The following TRHDE variants were observed in gnomAD, a reference collection of about 807,000 sequenced individuals.
TRHDE encodes thyrotropin releasing hormone degrading enzyme, also known as thyrotropin-releasing hormone-degrading ectoenzyme.
A neutral mutation model predicts 125.7 loss-of-function variants in TRHDE; 72 were observed. That is an observed-to-expected ratio of 0.57 (90% confidence interval 0.47 to 0.70). The LOEUF (loss-of-function observed/expected upper bound fraction) is 0.70, where lower values mean the gene tolerates loss of function less well. Among genes scored for constraint, TRHDE ranks in the 30% least tolerant of loss-of-function variants. TRHDE has a pLI of 0.00. For missense variants in TRHDE, 1,110 were observed against 1,327.1 expected (o/e 0.84, Z 2.54); for synonymous variants, 509 against 509.1 (o/e 1.00, Z 0.00).
intron 2 of TRHDE, among the ~76,000 whole-genome samples, chr12:72,138,032 A>G (rs1876024028): frequency 6.6e-6 from 1 of 152,230 alleles, no homozygotes; most frequent in African/African-American, 2.4e-5. Context: ...GCCTCGCCCC[A>G]GGCTAATGAA....
intron 2 of TRHDE, among the ~76,000 whole-genome samples, chr12:72,344,993 A>G (rs1382373463): frequency 6.6e-6 from 1 of 152,158 alleles, no homozygotes; most frequent in Non-Finnish European, 1.5e-5. Context: ...CTCTCTGATT[A>G]TAATTCCTAC....
intron 2 of TRHDE, among the ~76,000 whole-genome samples, chr12:72,111,256 C>T (rs574880120): frequency 6.6e-6 from 1 of 152,100 alleles, no homozygotes; most frequent in Middle Eastern, 3.2e-3. Flanking sequence ...ATTTCCTTAT[C>T]CTGATGATGT....
intron 2 of TRHDE, among the ~76,000 whole-genome samples, chr12:72,216,238 G>C (rs1220326954): frequency 6.6e-6 from 1 of 152,120 alleles, no homozygotes; most frequent in Non-Finnish European, 1.5e-5. Context: ...GAGACTTCTA[G>C]GCTAGCAGCC....
chr12:72,376,519 A>G (rs1462580028), intron 2 of TRHDE, among the ~76,000 whole-genome samples: 1 of 152,170 alleles, frequency 6.6e-6, no homozygotes. Context: ...TGGTGACTGT[A>G]GACTAAATTT....
At chr12:72,483,401 C>T (rs1877265091) in intron 5 of TRHDE, among the ~76,000 whole-genome samples, 1 of 151,902 alleles carries the variant, frequency 6.6e-6, no homozygotes, top group Non-Finnish European at 1.5e-5. Context: ...ATGAAATCCC[C>T]ATGTTGTTTA....
intron 2 of TRHDE, among the ~76,000 whole-genome samples, chr12:72,131,300 C>T (rs1258065217): frequency 6.6e-6 from 1 of 151,810 alleles, no homozygotes; most frequent in Non-Finnish European, 1.5e-5. Flanking sequence ...TCTCCATCTC[C>T]TGACCTTGTG....
At chr12:72,112,676 G>A (rs529714914) in intron 2 of TRHDE, among the ~76,000 whole-genome samples, 2 of 152,116 alleles carry the variant, frequency 1.3e-5, no homozygotes, top group Non-Finnish European at 2.9e-5. Context: ...AACATCGTAA[G>A]AATTCAATGT....
At chr12:72,514,622 T>C (rs2135952695) in intron 6 of TRHDE, among the ~76,000 whole-genome samples, 1 of 151,832 alleles carries the variant, frequency 6.6e-6, no homozygotes, top group South Asian at 2.1e-4. Flanking sequence ...CTACACTTAC[T>C]TTTTCTTTTT....
intron 2 of TRHDE, among the ~76,000 whole-genome samples, chr12:72,287,218 T>C (rs1879923244): frequency 6.6e-6 from 1 of 152,186 alleles, no homozygotes; most frequent in Non-Finnish European, 1.5e-5. Context: ...CATCTCTACC[T>C]GCACTATTGT....
At chr12:72,126,221 C>T (rs112664371) in intron 2 of TRHDE, among the ~76,000 whole-genome samples, 6,845 of 152,128 alleles carry the variant, frequency 0.045, 294 homozygotes, top group South Asian at 0.11. Context: ...ATGACGCAAA[C>T]GGAAACACAT....
In TRHDE at chr12:72,193,935, C is replaced by T. The variant is rs1406789034; in HGVS notation, n.279+88183C>T. The stretch of plus-strand genomic sequence containing the variant: ...CTCTTGAAAAACACAGGAACTATTC[C>T]TGTCACATACCTATGATTGTGGAAA... On this transcript the variant is annotated intron_variant and non_coding_transcript_variant, in intron 2 of 4. Transcript: ENST00000548156. Among the ~76,000 whole-genome samples, 9 of 152,138 alleles carry T rather than the reference C, an allele frequency of 5.9e-5. No homozygotes were observed. In the East Asian group the frequency reaches 1.7e-3, roughly 29 times the overall value.
chr12:72,347,562 C>T (rs910656746), intron 2 of TRHDE, among the ~76,000 whole-genome samples: 9 of 151,870 alleles, frequency 5.9e-5, no homozygotes, highest in Non-Finnish European at 8.8e-5. Flanking sequence ...GCAGTCATCT[C>T]GGTTCACCAT....
chr12:72,580,748 GT>G (rs1347797256), intron 12 of TRHDE, among the ~76,000 whole-genome samples: 1 of 152,076 alleles, frequency 6.6e-6, no homozygotes, highest in African/African-American at 2.4e-5. Flanking sequence ...GCCTGTTTTT[GT>G]TTTTTGTTTG....
chr12:72,306,507 C>G (rs1006492894), intron 2 of TRHDE, among the ~76,000 whole-genome samples: 34 of 151,982 alleles, frequency 2.2e-4, no homozygotes, highest in Admixed American at 4.6e-4. Context: ...TTAAACAGCT[C>G]GGCAACAGTA....
At chr12:72,233,442 G>A (rs1026377143) in intron 2 of TRHDE, among the ~76,000 whole-genome samples, 9 of 152,156 alleles carry the variant, frequency 5.9e-5, no homozygotes, top group African/African-American at 2.2e-4. Flanking sequence ...ACTCGAGATG[G>A]CTAGAGCGCT....
chr12:72,122,400 A>G (rs1875606563), intron 2 of TRHDE, among the ~76,000 whole-genome samples: 1 of 152,174 alleles, frequency 6.6e-6, no homozygotes, highest in African/African-American at 2.4e-5. Flanking sequence ...TCCACATAAG[A>G]ATTTTAGACA....
chr12:72,506,680 A>G (rs1421646516), intron 6 of TRHDE, among the ~76,000 whole-genome samples: 2 of 152,180 alleles, frequency 1.3e-5, no homozygotes, highest in East Asian at 1.9e-4. Context: ...ACAAATAAAT[A>G]TATTTCAAGG....
At chr12:72,212,065 T>C (rs1461105070) in intron 2 of TRHDE, among the ~76,000 whole-genome samples, 1 of 152,052 alleles carries the variant, frequency 6.6e-6, no homozygotes, top group Non-Finnish European at 1.5e-5. Flanking sequence ...GAAAATAGGG[T>C]TTGGAAGCAT....
chr12:72,622,657 G>C (rs1873100964), intron 15 of TRHDE, among the ~76,000 whole-genome samples: 1 of 151,992 alleles, frequency 6.6e-6, no homozygotes, highest in Non-Finnish European at 1.5e-5. Flanking sequence ...CACTTGTACT[G>C]GTTAAACTTA....
Sources: allele counts gnomAD v4.1 joint callset (sites outside exome capture counted in the v4.1 genomes callset), GRCh38; gene constraint gnomAD v4.1.1; transcripts MANE v1.5; gene names NCBI Gene and HGNC (gene_info 2026-07-23, HGNC 2026-07-21).